Variants in RAP1GDS1 observed in about 807,000 individuals in gnomAD.
The protein encoded by RAP1GDS1 is Rap1 GTPase-GDP dissociation stimulator 1.
In RAP1GDS1, 35 loss-of-function variants were observed where a neutral mutation model predicts 71.1. That is an observed-to-expected ratio of 0.49 (90% CI 0.38 to 0.65). The LOEUF is 0.65. Ranked by LOEUF, RAP1GDS1 falls within the 30% of genes least tolerant of loss-of-function variation. RAP1GDS1 has a pLI of 0.00. For missense variants in RAP1GDS1, 663 were observed against 706.1 expected, an observed-to-expected ratio of 0.94 and a Z score of 0.69; for synonymous variants, 229 against 243.1, an observed-to-expected ratio of 0.94 and a Z score of 0.54.
At chr4:98,261,605 T>A (rs755170405) in intron 1 of RAP1GDS1, 36 bp downstream of exon 1, 1 of 1,590,526 alleles carries the variant, frequency 6.3e-7, no homozygotes. Flanking sequence ...TCGCCTGACA[T>A]TTTTTTCTTT....
intron 4 of RAP1GDS1, among the ~76,000 whole-genome samples, chr4:98,367,823 A>G (rs1739743504): frequency 6.6e-6 from 1 of 152,168 alleles, no homozygotes; most frequent in African/African-American, 2.4e-5. Context: ...GCCCCATTGT[A>G]TCTAGGAAGT....
At chr4:98,389,633 G>GCTAA (rs1743304136) in intron 5 of RAP1GDS1, among the ~76,000 whole-genome samples, 1 of 152,088 alleles carries the variant, frequency 6.6e-6, no homozygotes, top group South Asian at 2.1e-4. Flanking sequence ...ATTTGGCTAT[G>GCTAA]CTAACTTTTT....
intron 3 of RAP1GDS1, among the ~76,000 whole-genome samples, chr4:98,349,061 G>A (rs968188795): frequency 5.9e-5 from 9 of 152,218 alleles, no homozygotes; most frequent in African/African-American, 1.9e-4. Context: ...GTCCTGAATG[G>A]TATTGCCTAG....
intron 1 of RAP1GDS1, among the ~76,000 whole-genome samples, chr4:98,282,763 A>G (rs1725339115): frequency 6.6e-6 from 1 of 152,088 alleles, no homozygotes; most frequent in Non-Finnish European, 1.5e-5. Flanking sequence ...ATTTAGTGCT[A>G]TACATTTCCC....
At chr4:98,352,683 AC>A (rs1402988360) in intron 4 of RAP1GDS1, 82 bp downstream of exon 4, 15 of 1,484,194 alleles carry the variant, frequency 1.0e-5, no homozygotes, top group Non-Finnish European at 1.4e-5. Context: ...GTTAGCAGTG[AC>A]TTTTCTAGGC....
At chr4:98,330,921 C>T (rs1289721365) in intron 2 of RAP1GDS1, among the ~76,000 whole-genome samples, 1 of 152,220 alleles carries the variant, frequency 6.6e-6, no homozygotes, top group Non-Finnish European at 1.5e-5. Context: ...GCTGCAATCT[C>T]AGCACTTTGG....
intron 2 of RAP1GDS1, among the ~76,000 whole-genome samples, chr4:98,295,417 G>A (rs919309651): frequency 6.6e-6 from 1 of 152,096 alleles, no homozygotes; most frequent in South Asian, 2.1e-4. Flanking sequence ...TACTGACAAA[G>A]AAGAATTGGA....
chr4:98,279,032 C>T (rs758466832), intron 1 of RAP1GDS1, among the ~76,000 whole-genome samples: 38 of 152,130 alleles, frequency 2.5e-4, no homozygotes, highest in Non-Finnish European at 4.9e-4. Flanking sequence ...ATCATCCTGG[C>T]TGACATAGTG....
At chr4:98,327,586 A>G (rs1204534884) in intron 2 of RAP1GDS1, among the ~76,000 whole-genome samples, 1 of 152,130 alleles carries the variant, frequency 6.6e-6, no homozygotes, top group Non-Finnish European at 1.5e-5. Flanking sequence ...TTTTGTTTTT[A>G]ACACGAGTGA....
rs759936871 is a variant in RAP1GDS1 at position 98,416,748 on chromosome 4, C to A, written c.767C>A (p.Ala256Asp). The part of the protein sequence containing the change: ...EVLAPLAEND[A>D]IKLQLVEAGL... ...TTTTGTTCACGTTGTTCTTTAGATG[C>A]TATTAAACTACAGCTGGTTGAAGCA... The change falls in exon 8 of 15, where the codon GCT becomes GAT. Residue 256 changes from alanine (A) to aspartate (D), a missense_variant. Transcript: ENST00000408927. 6.3e-7 allele frequency: 1 copy of A among 1,597,370 alleles called. No homozygotes were observed. The highest frequency in any genetic ancestry group is 1.1e-5 in the South Asian group (1 of 90,446).
chr4:98,436,272 AGTGCCTTTGACATAAGTGCCTAT>A (rs1268461898), intron 13 of RAP1GDS1, among the ~76,000 whole-genome samples: 1 of 152,106 alleles, frequency 6.6e-6, no homozygotes, highest in Non-Finnish European at 1.5e-5. Context: ...TCTTCCATTC[AGTGCCTTTGACATAAGTGCCTAT>A]GTTGCCACCA....
In RAP1GDS1 at chr4:98,421,181, C is replaced by T; in HGVS notation, c.1301-74C>T. ...TGTTTTTTTAGACGTCCTTCACACT[C>T]TCAAATCTGTACGAATTATTTCAAC... On this transcript the variant is annotated intron_variant, in intron 11 of 14. Coordinates refer to ENST00000408927, the MANE Select transcript of RAP1GDS1 (RefSeq NM_001100427.2). 1.4e-6 allele frequency: 2 copies of T among 1,411,504 alleles called. 1 individual carries two copies. The highest frequency in any genetic ancestry group is 3.3e-5 in the South Asian group (2 of 60,502). The allele number at this position is 1,411,504 out of a possible 1,614,324, so 87.4% of individuals were successfully genotyped here. A position where few individuals can be genotyped will look rare whatever the true frequency, so the allele number is the denominator to read the frequency against.
In RAP1GDS1 at chr4:98,315,854, G is replaced by A. The variant is rs73834422; in HGVS notation, c.112+22339G>A. On this transcript the variant is annotated intron_variant, in intron 2 of 14. Transcript: ENST00000408927. ...AGAAAGGTGGTGTGTTGACAGTGCT[G>A]GAGAATATGGCATATAGAGAGAGTA... 3.8e-3 allele frequency among the ~76,000 whole-genome samples: 581 copies of A among 152,166 alleles called. 6 individuals carry two copies. The highest frequency in any genetic ancestry group is 0.013 in the African/African-American group (556 of 41,520).
intron 10 of RAP1GDS1, among the ~76,000 whole-genome samples, chr4:98,419,641 A>G (rs535515605): frequency 1.8e-4 from 27 of 152,320 alleles, no homozygotes; most frequent in Admixed American, 3.9e-4. Flanking sequence ...GGATAGTAAC[A>G]TTTATTAATG....
intron 2 of RAP1GDS1, among the ~76,000 whole-genome samples, chr4:98,294,302 C>T (rs777350175): frequency 6.2e-4 from 94 of 151,904 alleles, no homozygotes; most frequent in Non-Finnish European, 2.6e-4. Context: ...TGGAGGGGAA[C>T]GTATATATTG....
intron 12 of RAP1GDS1, among the ~76,000 whole-genome samples, chr4:98,426,822 C>T (rs1384426899): frequency 2.6e-5 from 4 of 152,110 alleles, no homozygotes; most frequent in Non-Finnish European, 4.4e-5. Flanking sequence ...CCTATTGACA[C>T]TATTCCAAAA....
At chr4:98,382,095 A>C (rs555467820) in intron 5 of RAP1GDS1, among the ~76,000 whole-genome samples, 1 of 151,712 alleles carries the variant, frequency 6.6e-6, no homozygotes, top group African/African-American at 2.4e-5. Context: ...CATTTGCTAA[A>C]GCTGTATATA....
chr4:98,293,709 A>G (rs1191081306), intron 2 of RAP1GDS1, among the ~76,000 whole-genome samples, 194 bp downstream of exon 2: 3 of 152,022 alleles, frequency 2.0e-5, no homozygotes, highest in Non-Finnish European at 4.4e-5. Flanking sequence ...AAGATCCTCA[A>G]AGCCAAGCTG....
At chr4:98,387,684 G>A (rs1033616601) in intron 5 of RAP1GDS1, among the ~76,000 whole-genome samples, 2 of 152,190 alleles carry the variant, frequency 1.3e-5, no homozygotes, top group African/African-American at 4.8e-5. Context: ...TGTCTGTGAT[G>A]TGTGTCAGGA....
Sources: gnomAD v4.1 joint callset for allele counts (sites outside exome capture counted in the v4.1 genomes callset) on GRCh38, gnomAD v4.1.1 for gene constraint, MANE v1.5 for transcripts, NCBI Gene and HGNC (gene_info 2026-07-23, HGNC 2026-07-21) for gene names.